Variants in PLXNA2 observed in about 807,000 individuals in gnomAD.
The protein encoded by PLXNA2 is plexin A2, also known as plexin-A2.
A neutral mutation model predicts 193.5 loss-of-function variants in PLXNA2; 91 were observed. That is an observed-to-expected ratio of 0.47 (90% CI 0.40 to 0.56). PLXNA2 has a LOEUF of 0.56. Among genes scored for constraint, PLXNA2 ranks in the 20% least tolerant of loss-of-function variants. The pLI is 0.00. For missense variants in PLXNA2, 1,995 were observed against 2,503.2 expected, an observed-to-expected ratio of 0.80 and a Z score of 4.33; for synonymous variants, 997 against 1,027.3, an observed-to-expected ratio of 0.97 and a Z score of 0.56.
rs1665244219 is a variant in PLXNA2 at position 208,051,102 on chromosome 1, A to G, written c.3162T>C (p.Ser1054=). 2 of 1,613,148 alleles carry G rather than the reference A, an allele frequency of 1.2e-6. No homozygotes were observed. The highest frequency in any genetic ancestry group is 1.7e-6 in the Non-Finnish European group (2 of 1,179,218). The stretch of plus-strand genomic sequence containing the variant: ...CTGTGATGGTCAGGGGTGTGTGGCC[A>G]CTGAAAACAGGCAGAGGCTCGGTTA... The part of the protein sequence containing the change: ...QRIEPEWSIA[S]GHTPLTITGF... Residue 1054 remains serine (S), a splice_region_variant and synonymous_variant, in exon 17 of 32, where the codon AGT becomes AGC. Coordinates refer to ENST00000367033, the MANE Select transcript of PLXNA2 (RefSeq NM_025179.4).
At chr1:208,118,282 C>A (rs1667700211) in intron 4 of PLXNA2, among the ~76,000 whole-genome samples, 1 of 152,208 alleles carries the variant, frequency 6.6e-6, no homozygotes, top group Non-Finnish European at 1.5e-5. Context: ...ACCATTTTTC[C>A]TGAAATCCTG....
intron 1 of PLXNA2, among the ~76,000 whole-genome samples, chr1:208,227,534 C>T (rs1671550379): frequency 6.6e-6 from 1 of 152,140 alleles, no homozygotes; most frequent in Non-Finnish European, 1.5e-5. Context: ...GAGAACTCAC[C>T]AGAATGTTTA....
intron 12 of PLXNA2, among the ~76,000 whole-genome samples, chr1:208,064,094 A>G (rs1665705377): frequency 6.6e-6 from 1 of 152,086 alleles, no homozygotes; most frequent in South Asian, 2.1e-4. Flanking sequence ...TTCTGTAAGC[A>G]CCTTCAACTG....
At chr1:208,118,499 C>G (rs1558201414) in intron 4 of PLXNA2, among the ~76,000 whole-genome samples, 1 of 152,238 alleles carries the variant, frequency 6.6e-6, no homozygotes, top group Non-Finnish European at 1.5e-5. Flanking sequence ...GTTAGTAGCC[C>G]TCTCTGGGTG....
intron 4 of PLXNA2, among the ~76,000 whole-genome samples, chr1:208,135,091 T>C (rs1371829284): frequency 6.6e-6 from 1 of 152,036 alleles, no homozygotes; most frequent in Non-Finnish European, 1.5e-5. Context: ...ATGCTAAGGG[T>C]CTGGCCTGTC....
At chr1:208,242,632 T>A (rs1287068508) in intron 1 of PLXNA2, among the ~76,000 whole-genome samples, 7 of 152,304 alleles carry the variant, frequency 4.6e-5, no homozygotes, top group South Asian at 4.1e-4. Context: ...CTTACTGACC[T>A]AGAGCCCCAA....
chr1:208,050,972 G>A, intron 17 of PLXNA2, 37 bp downstream of exon 17: 3 of 1,476,332 alleles, frequency 2.0e-6, no homozygotes, highest in Non-Finnish European at 2.8e-6. Context: ...ACAGAGCTGT[G>A]TTTACCAAAG....
intron 9 of PLXNA2, among the ~76,000 whole-genome samples, chr1:208,086,467 C>T (rs1666522215): frequency 6.6e-6 from 1 of 151,992 alleles, no homozygotes; most frequent in African/African-American, 2.4e-5. Flanking sequence ...GTGGCATGTC[C>T]ACATTTACTA....
intron 17 of PLXNA2, among the ~76,000 whole-genome samples, chr1:208,046,797 A>AGTGTGTGTGTGTGTGT (rs57420579): frequency 3.1e-5 from 4 of 129,592 alleles, no homozygotes; most frequent in Non-Finnish European, 6.6e-5. Flanking sequence ...AGAACAGCAT[A>AGTGTGTGTGTGTGTGT]GTGTGTGTGT....
chr1:208,178,074 G>T (rs1419761403), intron 3 of PLXNA2, among the ~76,000 whole-genome samples: 1 of 152,162 alleles, frequency 6.6e-6, no homozygotes, highest in African/African-American at 2.4e-5. Context: ...CACAGCCTCT[G>T]CCATTCTATA....
chr1:208,130,546 C>T (rs984594836), intron 4 of PLXNA2, among the ~76,000 whole-genome samples: 1 of 152,196 alleles, frequency 6.6e-6, no homozygotes, highest in African/African-American at 2.4e-5. Context: ...CCATTCCATA[C>T]ACATTCATGG....
chr1:208,163,514 C>T (rs143204954), intron 3 of PLXNA2, among the ~76,000 whole-genome samples: 65 of 152,290 alleles, frequency 4.3e-4, no homozygotes, highest in South Asian at 3.7e-3. Context: ...CCTGGGATGG[C>T]TGGTGGGAAA....
chr1:208,221,381 G>GTT lies in PLXNA2; in HGVS notation c.-80-3381_-80-3380dup, dbSNP rs33915614. 1.2e-3 allele frequency among the ~76,000 whole-genome samples: 71 copies of GTT among 58,084 alleles called. 7 individuals carry two copies. In the East Asian group the frequency reaches 0.012, roughly 10 times the overall value. 38.1% of individuals were successfully genotyped at this position (58,084 alleles called of 152,430 possible). A position where few individuals can be genotyped will look rare whatever the true frequency, so the allele number is the denominator to read the frequency against. On this transcript the variant is annotated intron_variant, in intron 1 of 31. Coordinates refer to ENST00000367033, the MANE Select transcript of PLXNA2 (RefSeq NM_025179.4). Reference sequence around the variant, plus strand: ...AGGTCAGGAGCTTTTTTCTTTTTCTGTTTTTTTTTTTTTTTTTTTTTTTTT... The same window carrying GTT: ...AGGTCAGGAGCTTTTTTCTTTTTCTGTTTTTTTTTTTTTTTTTTTTTTTTTTT...
In PLXNA2 at chr1:208,022,638, G is replaced by A. The variant is rs1376109500; in HGVS notation, c.*4605C>T. 6.6e-6 allele frequency: 1 copy of A among 152,638 alleles called. No homozygotes were observed. Among genetic ancestry groups the A allele is most frequent in the South Asian group, 2.1e-4 (1 of 4,828 alleles). The allele number at this position is 152,638 out of a possible 1,614,324, so 9.5% of individuals were successfully genotyped here. On this transcript the variant is annotated 3_prime_UTR_variant, in exon 32 of 32. Coordinates refer to ENST00000367033, the MANE Select transcript of PLXNA2 (RefSeq NM_025179.4). ...TTACACACGCAAGAATATCTGTTCTGTTTGGGGGGAGTATTTCCATTCTGC... is the reference window on the plus strand; with the variant it reads ...TTACACACGCAAGAATATCTGTTCTATTTGGGGGGAGTATTTCCATTCTGC...
intron 3 of PLXNA2, among the ~76,000 whole-genome samples, chr1:208,153,885 G>T (rs1269325356): frequency 1.3e-5 from 2 of 152,204 alleles, no homozygotes; most frequent in Non-Finnish European, 2.9e-5. Flanking sequence ...AAAAGATTCT[G>T]TTTGAATAGC....
rs1256089752 is a variant in PLXNA2 at position 208,236,469 on chromosome 1, C to T, written c.-81+7174G>A. 6.6e-5 allele frequency among the ~76,000 whole-genome samples: 10 copies of T among 152,302 alleles called. No individual in the cohort carries two copies. In the East Asian group the frequency reaches 1.4e-3, roughly 21 times the overall value. On this transcript the variant is annotated intron_variant, in intron 1 of 31. Coordinates refer to ENST00000367033, the MANE Select transcript of PLXNA2 (RefSeq NM_025179.4). This position sits in a 1 kb window ranked among gnomAD's most constrained non-coding sequence, Gnocchi z 4.4. ...AGGCAAGGCAGGGCTTTTCTACACA[C>T]CCCTTCCTCTGCTCCTGAACCTTCC... is the stretch of plus-strand genomic sequence containing the variant.
chr1:208,169,538 G>C (rs1355220982), intron 3 of PLXNA2, among the ~76,000 whole-genome samples: 1 of 152,256 alleles, frequency 6.6e-6, no homozygotes, highest in Non-Finnish European at 1.5e-5. Context: ...CAGAGCCCCT[G>C]TCCTAGAAGG....
chr1:208,040,105 T>A, intron 22 of PLXNA2, 47 bp from the exon 23 acceptor site: 8 of 1,495,008 alleles, frequency 5.4e-6, no homozygotes, highest in Non-Finnish European at 7.5e-6. Context: ...CAGAGGGGTC[T>A]CCGTGGTGGG....
intron 3 of PLXNA2, among the ~76,000 whole-genome samples, chr1:208,174,210 T>G (rs1206782976): frequency 6.6e-6 from 1 of 152,192 alleles, no homozygotes; most frequent in Non-Finnish European, 1.5e-5. Flanking sequence ...TCAGCTCCTG[T>G]CGGTGAGGGG....
Sources: allele counts gnomAD v4.1 joint callset (sites outside exome capture counted in the v4.1 genomes callset), GRCh38; gene constraint gnomAD v4.1.1; non-coding constraint Gnocchi (gnomAD v3.1); transcripts MANE v1.5; gene names NCBI Gene and HGNC (gene_info 2026-07-23, HGNC 2026-07-21).